The following FRAS1 variants were observed in gnomAD, a reference collection of about 807,000 sequenced individuals.
FRAS1 encodes Fraser extracellular matrix complex subunit 1.
In FRAS1, 290 loss-of-function variants were observed where a neutral mutation model predicts 435.2. The observed-to-expected ratio is 0.67, with a 90% CI of 0.61 to 0.73. FRAS1 has a LOEUF of 0.73. Ranked by LOEUF, FRAS1 falls within the 30% of genes least tolerant of loss-of-function variation. FRAS1 has a pLI of 0.00. For synonymous variants in FRAS1, 1,800 were observed against 1,851.0 expected (o/e 0.97, Z 0.71); for missense variants, 4,860 against 5,001.5 (o/e 0.97, Z 0.85).
intron 2 of FRAS1, chr4:78,180,973 C>A (rs541932090): frequency 6.2e-7 from 1 of 1,610,824 alleles, no homozygotes; most frequent in African/African-American, 1.3e-5. Context: ...CCATGTCCAC[C>A]TTGTCCTCCC....
intron 20 of FRAS1, among the ~76,000 whole-genome samples, chr4:78,363,171 G>A (rs1379915706): frequency 6.6e-6 from 1 of 152,160 alleles, no homozygotes; most frequent in Non-Finnish European, 1.5e-5. Flanking sequence ...CCCCAGGGGA[G>A]ATGTTGATAG....
chr4:78,366,052 A>G (rs1049344338), intron 22 of FRAS1, among the ~76,000 whole-genome samples: 7 of 152,224 alleles, frequency 4.6e-5, no homozygotes, highest in Admixed American at 1.3e-4. Context: ...AAATTCTGCA[A>G]TAAGGGCTTT....
At chr4:78,102,654 C>A (rs1048811855) in intron 2 of FRAS1, among the ~76,000 whole-genome samples, 1 of 152,066 alleles carries the variant, frequency 6.6e-6, no homozygotes, top group African/African-American at 2.4e-5. Context: ...TTTGTGCAAG[C>A]CAAATATATA....
chr4:78,406,976 C>T (rs1733124474), intron 30 of FRAS1, among the ~76,000 whole-genome samples: 1 of 152,182 alleles, frequency 6.6e-6, no homozygotes, highest in Non-Finnish European at 1.5e-5. Context: ...ACAGCCAAAA[C>T]TTGTTTCATG....
At chr4:78,092,937 A>G (rs1741607453) in intron 2 of FRAS1, among the ~76,000 whole-genome samples, 1 of 152,212 alleles carries the variant, frequency 6.6e-6, no homozygotes, top group African/African-American at 2.4e-5. Flanking sequence ...AAGCTGCAAA[A>G]AGCAGAAAGA....
At chr4:78,274,961 A>G (rs1726918147) in intron 9 of FRAS1, among the ~76,000 whole-genome samples, 1 of 152,136 alleles carries the variant, frequency 6.6e-6, no homozygotes, top group African/African-American at 2.4e-5. Context: ...GTCTCTTTGT[A>G]GGTCTCTAAG....
chr4:78,203,831 G>T (rs1170211262), intron 2 of FRAS1, among the ~76,000 whole-genome samples: 1 of 152,134 alleles, frequency 6.6e-6, no homozygotes, highest in African/African-American at 2.4e-5. Flanking sequence ...GGCTCCCAAA[G>T]TGCTGGGATT....
At chr4:78,060,730 CAT>C (rs1739723389) in intron 1 of FRAS1, among the ~76,000 whole-genome samples, 1 of 151,686 alleles carries the variant, frequency 6.6e-6, no homozygotes, top group African/African-American at 2.4e-5. Context: ...AAATGAGGTA[CAT>C]TACGTGATAG....
intron 2 of FRAS1, among the ~76,000 whole-genome samples, chr4:78,120,984 G>A (rs1718983161): frequency 6.6e-6 from 1 of 152,194 alleles, no homozygotes; most frequent in Non-Finnish European, 1.5e-5. Context: ...AATCAAGGAA[G>A]AGATCAAGGC....
chr4:78,390,084 C>T (rs1043648382), intron 29 of FRAS1, among the ~76,000 whole-genome samples: 15 of 152,202 alleles, frequency 9.9e-5, no homozygotes, highest in Non-Finnish European at 1.8e-4. Context: ...ACTAATAATA[C>T]ATCTGACTGC....
At chr4:78,162,336 A>G (rs10518194) in intron 2 of FRAS1, among the ~76,000 whole-genome samples, 25,321 of 152,138 alleles carry the variant, frequency 0.17, 2,245 homozygotes, top group Non-Finnish European at 0.19. Flanking sequence ...ATGTGTTTCC[A>G]TCTTGTTGTT....
At chr4:78,531,444 T>G (rs1721712295) in intron 70 of FRAS1, among the ~76,000 whole-genome samples, 1 of 150,326 alleles carries the variant, frequency 6.7e-6, no homozygotes, top group Non-Finnish European at 1.5e-5. Context: ...GCTTCCAGCT[T>G]TTGCCCATTC....
chr4:78,534,673 C>G (rs1721826282), intron 71 of FRAS1, 58 bp downstream of exon 71: 1 of 1,528,408 alleles, frequency 6.5e-7, no homozygotes, highest in Non-Finnish European at 9.0e-7. Flanking sequence ...GAAGCTTTTG[C>G]TAAGTCACCG....
Position 78,181,987 on chromosome 4 carries a change from T to A in FRAS1, c.109-55523T>A. 5 of 1,576,926 alleles carry A rather than the reference T, an allele frequency of 3.2e-6. No homozygotes were observed. The South Asian group carries it at 5.9e-5, about 19-fold the overall frequency. On this transcript the variant is annotated intron_variant, in intron 2 of 73. Transcript: ENST00000512123. ...CGAAGGGGTCCGATTCGTCGTCAAA[T>A]AACTGGTCGAATCGGTTGGTGACCA...
intron 14 of FRAS1, among the ~76,000 whole-genome samples, chr4:78,291,479 A>G (rs1283242221): frequency 6.6e-6 from 1 of 152,104 alleles, no homozygotes; most frequent in Non-Finnish European, 1.5e-5. Flanking sequence ...CCCAGTTTCT[A>G]ACAGGCCACA....
At chr4:78,530,448 AGCTCCATGT>A (rs1419879580) in intron 70 of FRAS1, among the ~76,000 whole-genome samples, 1 of 152,142 alleles carries the variant, frequency 6.6e-6, no homozygotes, top group African/African-American at 2.4e-5. Flanking sequence ...TCCCCTATAT[AGCTCCATGT>A]GGATGCGATA....
At position 78,110,410 on chromosome 4, in the gene FRAS1, T is replaced by C. The variant is rs1325675958; in HGVS notation, c.108+44394T>C. ...ACTGGTACCAAAACAGAGATATAGA[T>C]CAATGGAACAGAACAGAGCCCTCAG... On this transcript the variant is annotated intron_variant, in intron 2 of 73. Transcript: ENST00000512123. 1.6e-4 allele frequency among the ~76,000 whole-genome samples: 19 copies of C among 117,448 alleles called. 3 individuals carry two copies. The highest frequency in any genetic ancestry group is 4.1e-3 in the Middle Eastern group (1 of 244). 77.1% of individuals were successfully genotyped at this position (117,448 alleles called of 152,430 possible). A position where few individuals can be genotyped will look rare whatever the true frequency, so the allele number is the denominator to read the frequency against.
intron 59 of FRAS1, among the ~76,000 whole-genome samples, chr4:78,491,949 G>A (rs1332345974): frequency 1.3e-5 from 2 of 152,164 alleles, no homozygotes; most frequent in African/African-American, 4.8e-5. Context: ...AGGAACTTCA[G>A]CAAAGTTTCA....
intron 14 of FRAS1, among the ~76,000 whole-genome samples, chr4:78,291,582 TTGGGTTCTGC>T (rs1163930918): frequency 6.6e-6 from 1 of 152,168 alleles, no homozygotes; most frequent in African/African-American, 2.4e-5. Flanking sequence ...GTTTAGAGAC[TTGGGTTCTGC>T]TTTCTATTGT....
Sources: allele counts gnomAD v4.1 joint callset (sites outside exome capture counted in the v4.1 genomes callset), GRCh38; gene constraint gnomAD v4.1.1; transcripts MANE v1.5; gene names NCBI Gene and HGNC (gene_info 2026-07-23, HGNC 2026-07-21).